ASXL2: variants seen among roughly 807,000 people sequenced by gnomAD.
The protein encoded by ASXL2 is putative Polycomb group protein ASXL2.
ASXL2 carries 23 observed loss-of-function variants against 122.0 expected under a neutral mutation model. That is an observed-to-expected ratio of 0.19 (90% CI 0.14 to 0.27). ASXL2 has a LOEUF of 0.27. Ranked by LOEUF, ASXL2 falls within the 10% of genes least tolerant of loss-of-function variation. ASXL2 has a pLI of 1.00. For synonymous variants in ASXL2, 650 were observed against 637.0 expected (o/e 1.02, Z -0.31); for missense variants, 1,518 against 1,713.8 (o/e 0.89, Z 2.02).
intron 1 of ASXL2, among the ~76,000 whole-genome samples, chr2:25,852,270 A>G (rs1415381634): frequency 6.6e-6 from 1 of 152,242 alleles, no homozygotes; most frequent in Admixed American, 6.5e-5. Flanking sequence ...GGTGCTTAAT[A>G]TATTTACTTC....
chr2:25,873,651 A>C (rs2089982738), intron 1 of ASXL2, among the ~76,000 whole-genome samples: 1 of 151,870 alleles, frequency 6.6e-6, no homozygotes, highest in South Asian at 2.1e-4. Context: ...TTAAAAAAAA[A>C]AACAAAAAAA....
At chr2:25,827,885 C>A (rs936217166) in intron 3 of ASXL2, among the ~76,000 whole-genome samples, 8 of 151,926 alleles carry the variant, frequency 5.3e-5, no homozygotes, top group African/African-American at 1.9e-4. Context: ...ATAAAAGATT[C>A]CTTGGAAATT....
chr2:25,877,788 C>T (rs1044912445), intron 1 of ASXL2, among the ~76,000 whole-genome samples: 4 of 152,236 alleles, frequency 2.6e-5, no homozygotes, highest in Non-Finnish European at 4.4e-5. Flanking sequence ...CTTCTCCTAT[C>T]TGCATCCAAT....
chr2:25,874,900 G>T (rs1652655471), intron 1 of ASXL2, among the ~76,000 whole-genome samples: 1 of 150,522 alleles, frequency 6.6e-6, no homozygotes, highest in Non-Finnish European at 1.5e-5. Flanking sequence ...AGCAACATAG[G>T]GAGACCCTCT....
intron 5 of ASXL2, among the ~76,000 whole-genome samples, chr2:25,788,968 T>C (rs1043988615): frequency 6.6e-6 from 1 of 152,110 alleles, no homozygotes; most frequent in Non-Finnish European, 1.5e-5. Context: ...ATCCTGATAT[T>C]TAATAGTTTA....
At chr2:25,780,360 T>C (rs957210805) in intron 5 of ASXL2, 2 of 152,186 alleles carry the variant, frequency 1.3e-5, no homozygotes, top group Admixed American at 6.5e-5. Context: ...AATAGTTGCA[T>C]AGAATTCCAT....
At chr2:25,756,155 T>G in intron 9 of ASXL2, 41 bp from the exon 10 acceptor site, 1 of 1,339,780 alleles carries the variant, frequency 7.5e-7, no homozygotes, top group East Asian at 2.5e-5. Context: ...ACAAAGAAAG[T>G]GAAAGGTATC....
At chr2:25,758,333 A>G (rs1169297827) in intron 9 of ASXL2, among the ~76,000 whole-genome samples, 1 of 152,250 alleles carries the variant, frequency 6.6e-6, no homozygotes, top group Admixed American at 6.5e-5. Context: ...GAGTATAACC[A>G]GTTCTTTTAC....
At chr2:25,758,461 G>A (rs2088178072) in intron 9 of ASXL2, among the ~76,000 whole-genome samples, 2 of 152,164 alleles carry the variant, frequency 1.3e-5, no homozygotes, top group Admixed American at 1.3e-4. Flanking sequence ...AAAAATCTCA[G>A]AAGTGAAGAA....
chr2:25,799,310 G>A (rs1411945769), intron 5 of ASXL2, 75 bp downstream of exon 5: 1 of 1,600,160 alleles, frequency 6.2e-7, no homozygotes, highest in Non-Finnish European at 8.5e-7. Context: ...CTGGAGTCTG[G>A]GAAAAGAGGA....
chr2:25,844,281 T>C (rs2089623266), intron 2 of ASXL2, among the ~76,000 whole-genome samples: 1 of 152,142 alleles, frequency 6.6e-6, no homozygotes, highest in Non-Finnish European at 1.5e-5. Flanking sequence ...AGAGTCTTGA[T>C]TAAGAACACT....
At chr2:25,816,190 A>G (rs1211365537) in intron 3 of ASXL2, among the ~76,000 whole-genome samples, 1 of 151,748 alleles carries the variant, frequency 6.6e-6, no homozygotes, top group Admixed American at 6.6e-5. Context: ...CGGAGGTTTC[A>G]GTGAGCCACT....
At chr2:25,782,116 T>C (rs2088652879) in intron 5 of ASXL2, among the ~76,000 whole-genome samples, 1 of 152,032 alleles carries the variant, frequency 6.6e-6, no homozygotes, top group African/African-American at 2.4e-5. Flanking sequence ...AATCAATATT[T>C]ATCTCCACTG....
At chr2:25,857,530 C>T (rs915303093) in intron 1 of ASXL2, among the ~76,000 whole-genome samples, 1 of 152,182 alleles carries the variant, frequency 6.6e-6, no homozygotes, top group South Asian at 2.1e-4. Flanking sequence ...CCTCATCATT[C>T]CTAGACTAAG....
At chr2:25,820,859 C>CA (rs1181764927) in intron 3 of ASXL2, among the ~76,000 whole-genome samples, 2 of 151,932 alleles carry the variant, frequency 1.3e-5, no homozygotes, top group South Asian at 4.1e-4. Flanking sequence ...CTTGTCTCTA[C>CA]AAAAAATGTA....
chr2:25,813,556 C>A (rs2089197970), intron 3 of ASXL2, among the ~76,000 whole-genome samples: 1 of 152,034 alleles, frequency 6.6e-6, no homozygotes, highest in East Asian at 1.9e-4. Flanking sequence ...TCAACCACTG[C>A]GGATACTGTA....
Position 25,802,042 on chromosome 2 carries a change from T to C in ASXL2, c.253-2507A>G, listed in dbSNP as rs558727328. The stretch of plus-strand genomic sequence containing the variant: ...ACTTAAGTCCACGCAAAGATTATGG[T>C]CTAATCACTCCAATTTACTCTACTT... On this transcript the variant is annotated intron_variant, in intron 4 of 12. Coordinates refer to ENST00000435504, the MANE Select transcript of ASXL2 (RefSeq NM_018263.6). Among the ~76,000 whole-genome samples, 12 of 152,288 alleles carry C rather than the reference T, an allele frequency of 7.9e-5. No homozygotes were observed. The South Asian group carries it at 2.5e-3, about 32-fold the overall frequency.
chr2:25,858,378 T>C (rs981202524), intron 1 of ASXL2, among the ~76,000 whole-genome samples: 2 of 150,326 alleles, frequency 1.3e-5, no homozygotes, highest in African/African-American at 2.5e-5. Flanking sequence ...CTTTACTCCA[T>C]AGCAGCCATG....
chr2:25,742,120 G>A lies in ASXL2; in HGVS notation c.4217C>T (p.Ala1406Val), dbSNP rs746010291. The A allele has an allele frequency of 6.2e-7, 1 of 1,614,044 alleles. No homozygotes were observed. The highest frequency in any genetic ancestry group is 8.5e-7 in the Non-Finnish European group (1 of 1,179,894). ...GCCACAGCCTTTGCACATGATCATG[G>A]CTTTCAAGCGGCAGTAACATTTCGA... is the stretch of plus-strand genomic sequence containing the variant. ...TPSKCYCRLK[A>V]MIMCKGCGAF... The change falls in exon 13 of 13, where the codon GCC becomes GTC. Residue 1406 changes from alanine to valine, a missense_variant. Ala to Val is a moderately conservative substitution (Grantham distance 64, BLOSUM62 0). Transcript: ENST00000435504.
Sources: allele counts gnomAD v4.1 joint callset (sites outside exome capture counted in the v4.1 genomes callset), GRCh38; gene constraint gnomAD v4.1.1; transcripts MANE v1.5; gene names NCBI Gene and HGNC (gene_info 2026-07-23, HGNC 2026-07-21).